GNA14: variants seen among roughly 807,000 people sequenced by gnomAD.
GNA14 encodes the protein guanine nucleotide-binding protein subunit alpha-14.
GNA14 carries 50 observed loss-of-function variants against 42.0 expected under a neutral mutation model. The ratio of observed to expected loss-of-function variants is 1.19; its 90% CI spans 0.95 to 1.51. GNA14 has a LOEUF of 1.51. GNA14 is among the 40% of genes most tolerant of loss of function. The pLI is 0.00. For missense variants in GNA14, 473 were observed against 446.2 expected (o/e 1.06, Z -0.54); for synonymous variants, 173 against 163.1 (o/e 1.06, Z -0.46).
At chr9:77,600,979 G>C (rs944767364) in intron 1 of GNA14, among the ~76,000 whole-genome samples, 8 of 152,130 alleles carry the variant, frequency 5.3e-5, no homozygotes, top group African/African-American at 1.7e-4. Context: ...CACAGGAGGC[G>C]GATAAGGAAA....
intron 2 of GNA14, among the ~76,000 whole-genome samples, chr9:77,482,251 A>T (rs1470248064): frequency 6.6e-6 from 1 of 151,916 alleles, no homozygotes; most frequent in African/African-American, 2.4e-5. Context: ...CCTGGTGGTG[A>T]CAAAATCTCT....
At chr9:77,564,425 G>A (rs1822935066) in intron 1 of GNA14, among the ~76,000 whole-genome samples, 1 of 152,062 alleles carries the variant, frequency 6.6e-6, no homozygotes, top group African/African-American at 2.4e-5. Flanking sequence ...CCCAGGATGA[G>A]AACCATTGAT....
intron 2 of GNA14, among the ~76,000 whole-genome samples, chr9:77,435,184 C>T (rs897977202): frequency 2.0e-5 from 3 of 152,050 alleles, no homozygotes; most frequent in Non-Finnish European, 4.4e-5. Context: ...TGGTGAAACC[C>T]CATCTCTACT....
At chr9:77,438,994 C>G (rs1448870197) in intron 2 of GNA14, among the ~76,000 whole-genome samples, 1 of 152,206 alleles carries the variant, frequency 6.6e-6, no homozygotes, top group South Asian at 2.1e-4. Flanking sequence ...CCAGGAATGT[C>G]CTTTATCTGG....
intron 1 of GNA14, among the ~76,000 whole-genome samples, chr9:77,621,878 A>C (rs78730459): frequency 0.01 from 1,556 of 152,328 alleles, 35 homozygotes; most frequent in East Asian, 0.076. Flanking sequence ...CCTATTGTTT[A>C]TGACTAGTGC....
At position 77,644,437 on chromosome 9, in the gene GNA14, C is replaced by CAAAAAAAAAA. The variant is rs764737417; in HGVS notation, c.124+3223_124+3232dup. Among the ~76,000 whole-genome samples the CAAAAAAAAAA allele has an allele frequency of 7.0e-3, 239 of 34,014 alleles. 49 individuals carry two copies. Among genetic ancestry groups the CAAAAAAAAAA allele is most frequent in the East Asian group, 0.028 (22 of 776 alleles). 22.3% of individuals were successfully genotyped at this position (34,014 alleles called of 152,430 possible). On this transcript the variant is annotated intron_variant, in intron 1 of 6. Transcript: ENST00000341700. Reference sequence around the variant, plus strand: ...TACTGAACTCCAACCTAAAGAGTGTCAAAAAAAAAAAAAAAAAAAAAAAAA... The same window carrying CAAAAAAAAAA: ...TACTGAACTCCAACCTAAAGAGTGTCAAAAAAAAAAAAAAAAAAAAAAAAAAAAAAAAAAA...
chr9:77,479,586 G>A (rs1173804433), intron 2 of GNA14, among the ~76,000 whole-genome samples: 1 of 152,176 alleles, frequency 6.6e-6, no homozygotes, highest in Non-Finnish European at 1.5e-5. Context: ...TGATGGGGAT[G>A]GCATTGAATC....
chr9:77,491,044 C>T, intron 2 of GNA14, among the ~76,000 whole-genome samples: 1 of 152,342 alleles, frequency 6.6e-6, no homozygotes, highest in South Asian at 2.1e-4. Flanking sequence ...GGAAACCATA[C>T]AGTCCAGGAG....
chr9:77,437,457 T>C (rs1024373942), intron 2 of GNA14, among the ~76,000 whole-genome samples: 3 of 151,434 alleles, frequency 2.0e-5, no homozygotes, highest in Non-Finnish European at 2.9e-5. Flanking sequence ...GAGGCAGGAG[T>C]ATTGCTTGAA....
At chr9:77,432,263 A>G (rs1303373326) in intron 3 of GNA14, among the ~76,000 whole-genome samples, 3 of 152,202 alleles carry the variant, frequency 2.0e-5, no homozygotes, top group Non-Finnish European at 4.4e-5. Context: ...GGGGCTGAGC[A>G]GGTCCGCATG....
chr9:77,616,688 A>C (rs1415340586), intron 1 of GNA14, among the ~76,000 whole-genome samples: 2 of 152,194 alleles, frequency 1.3e-5, no homozygotes, highest in South Asian at 2.1e-4. Flanking sequence ...ACTCTACGTC[A>C]TAATTCCTGC....
chr9:77,644,401 C>T lies in GNA14; in HGVS notation c.124+3269G>A, dbSNP rs990989642. On this transcript the variant is annotated intron_variant, in intron 1 of 6. Transcript: ENST00000341700. ...CCAGGAGGTCAAGGCCGTAGGAAGCCGTGACTGTATTACTGAACTCCAACC... is the reference window on the plus strand; with the variant it reads ...CCAGGAGGTCAAGGCCGTAGGAAGCTGTGACTGTATTACTGAACTCCAACC... Among the ~76,000 whole-genome samples the T allele has an allele frequency of 4.5e-5, 6 of 132,118 alleles. 1 individual carries two copies. Among genetic ancestry groups the T allele is most frequent in the African/African-American group, 1.5e-4 (5 of 33,240 alleles). The allele number at this position is 132,118 out of a possible 152,430, so 86.7% of individuals were successfully genotyped here.
At chr9:77,599,728 G>A (rs748481013) in intron 1 of GNA14, among the ~76,000 whole-genome samples, 4 of 152,112 alleles carry the variant, frequency 2.6e-5, no homozygotes, top group East Asian at 1.9e-4. Context: ...CTGACATGCC[G>A]TCGGGCCTCC....
chr9:77,513,946 C>T (rs1323828585), intron 2 of GNA14, among the ~76,000 whole-genome samples: 1 of 146,072 alleles, frequency 6.8e-6, no homozygotes, highest in African/African-American at 2.5e-5. Context: ...GCCATTGTTC[C>T]CTTCAGCACT....
At chr9:77,539,148 T>C (rs994997646) in intron 1 of GNA14, among the ~76,000 whole-genome samples, 6 of 152,204 alleles carry the variant, frequency 3.9e-5, no homozygotes, top group African/African-American at 1.4e-4. Flanking sequence ...TGTGAGGTTT[T>C]CATAGCTTTA....
intron 1 of GNA14, among the ~76,000 whole-genome samples, chr9:77,552,960 G>A: frequency 6.6e-6 from 1 of 152,168 alleles, no homozygotes; most frequent in East Asian, 1.9e-4. Flanking sequence ...AGGGTTTTCT[G>A]AAAACTGCAT....
chr9:77,606,932 T>G (rs1823652973), intron 1 of GNA14, among the ~76,000 whole-genome samples: 1 of 152,084 alleles, frequency 6.6e-6, no homozygotes, highest in Non-Finnish European at 1.5e-5. Flanking sequence ...CACCAGAATT[T>G]CTCTCTGCCA....
chr9:77,564,480 TA>T, intron 1 of GNA14, among the ~76,000 whole-genome samples: 1 of 152,216 alleles, frequency 6.6e-6, no homozygotes, highest in South Asian at 2.1e-4. Flanking sequence ...GCTCACTTTT[TA>T]AAAGCATTTA....
At chr9:77,565,527 G>A (rs1220371712) in intron 1 of GNA14, among the ~76,000 whole-genome samples, 3 of 151,914 alleles carry the variant, frequency 2.0e-5, no homozygotes, top group Admixed American at 6.6e-5. Flanking sequence ...GCACAATCTC[G>A]GCTCACTGCA....
Sources: allele counts gnomAD v4.1 joint callset (sites outside exome capture counted in the v4.1 genomes callset), GRCh38; gene constraint gnomAD v4.1.1; transcripts MANE v1.5; gene names NCBI Gene and HGNC (gene_info 2026-07-23, HGNC 2026-07-21).